The following ZNF138 variants were observed in gnomAD, a reference collection of about 807,000 sequenced individuals.
ZNF138 encodes zinc finger protein 138 (clone pHZ-32).
Under a neutral mutation model 33.0 loss-of-function variants are expected in ZNF138, and 33 were observed. The observed-to-expected ratio is 1.00, with a 90% confidence interval of 0.76 to 1.34. ZNF138 has a LOEUF of 1.34. Ranked by LOEUF, ZNF138 falls within the 40% of genes most tolerant of loss-of-function variation. The pLI is 0.00. For synonymous variants in ZNF138, 139 were observed against 120.4 expected, an observed-to-expected ratio of 1.15 and a Z score of -1.01; for missense variants, 360 against 370.8, an observed-to-expected ratio of 0.97 and a Z score of 0.24.
chr7:64,832,196 A>G lies in ZNF138; in HGVS notation c.954A>G (p.Leu318=). 6.2e-7 allele frequency: 1 copy of G among 1,605,198 alleles called. No individual in the cohort carries two copies. Among genetic ancestry groups the G allele is most frequent in the Non-Finnish European group, 8.5e-7 (1 of 1,177,412 alleles). Residue 318 remains leucine, a synonymous_variant, in exon 4 of 4, where the codon CTA becomes CTG. Transcript: ENST00000307355. The part of the protein sequence containing the change: ...KCEECGKAFN[L]S ...AGGAATGTGGCAAAGCTTTTAACCTATCTTAACAACTTACTGAACATAAGA... is the reference window on the plus strand; with the variant it reads ...AGGAATGTGGCAAAGCTTTTAACCTGTCTTAACAACTTACTGAACATAAGA...
chr7:64,800,638 A>G (rs1443506817), intron 1 of ZNF138, among the ~76,000 whole-genome samples: 2 of 152,204 alleles, frequency 1.3e-5, no homozygotes, highest in Non-Finnish European at 1.5e-5. Context: ...GGATATTTGC[A>G]TAAAGTTTTC....
intron 1 of ZNF138, among the ~76,000 whole-genome samples, chr7:64,804,771 ACT>A (rs1193566143): frequency 3.3e-5 from 5 of 151,968 alleles, no homozygotes; most frequent in Admixed American, 1.3e-4. Flanking sequence ...ACAGAGTGAG[ACT>A]CTGTCTCAAA....
chr7:64,800,727 A>G (rs1787073424), intron 1 of ZNF138, among the ~76,000 whole-genome samples: 1 of 152,034 alleles, frequency 6.6e-6, no homozygotes. Context: ...GTGTCTTCTC[A>G]ATTTTTTGGA....
At chr7:64,847,269 T>A in the ZNF138 span, among the ~76,000 whole-genome samples, 1 of 150,414 alleles carries the variant, frequency 6.6e-6, no homozygotes, top group Non-Finnish European at 1.5e-5. Context: ...GGTTAGGAGT[T>A]TGAGATCAGC....
chr7:64,821,780 C>T (rs1193316384), intron 3 of ZNF138, among the ~76,000 whole-genome samples: 2 of 151,190 alleles, frequency 1.3e-5, no homozygotes, highest in African/African-American at 2.5e-5. Flanking sequence ...CTACTGACCT[C>T]GTGATCCTCC....
intron 3 of ZNF138, among the ~76,000 whole-genome samples, chr7:64,821,273 T>C (rs1321211571): frequency 6.6e-6 from 1 of 150,894 alleles, no homozygotes; most frequent in African/African-American, 2.5e-5. Context: ...GTATTTTTAA[T>C]AGAGACGGAG....
chr7:64,824,042 T>C (rs559229249), intron 3 of ZNF138, among the ~76,000 whole-genome samples: 6 of 152,328 alleles, frequency 3.9e-5, no homozygotes, highest in African/African-American at 1.4e-4. Flanking sequence ...GACTGGAAAG[T>C]TTGCACATAA....
the ZNF138 span, among the ~76,000 whole-genome samples, chr7:64,855,389 T>C: frequency 8.1e-4 from 123 of 152,300 alleles, no homozygotes; most frequent in Admixed American, 2.5e-3. Flanking sequence ...GTCAACAAAA[T>C]TTCATAATAC....
In ZNF138 at chr7:64,816,657, G is replaced by A. The variant is rs138936943; in HGVS notation, c.208+1004G>A. Among the ~76,000 whole-genome samples the A allele has an allele frequency of 2.1e-4, 32 of 151,970 alleles. No homozygotes were observed. In the East Asian group the frequency reaches 5.6e-3, roughly 27 times the overall value. ...AGCAACGTTTTACTTGTCTTCAATGGCATTTTTTTTTCATATTTTAAACTA... is the reference window on the plus strand; with the variant it reads ...AGCAACGTTTTACTTGTCTTCAATGACATTTTTTTTTCATATTTTAAACTA... On this transcript the variant is annotated intron_variant, in intron 3 of 3. Coordinates refer to ENST00000307355, the MANE Select transcript of ZNF138 (RefSeq NM_001271639.2).
chr7:64,814,463 TTC>T (rs1458457531), intron 1 of ZNF138, among the ~76,000 whole-genome samples: 20 of 152,198 alleles, frequency 1.3e-4, no homozygotes, highest in African/African-American at 4.6e-4. Context: ...TAGAAAATAT[TTC>T]TGTTAAAAAT....
At chr7:64,857,659 TAA>T in the ZNF138 span, among the ~76,000 whole-genome samples, 1 of 480 alleles carries the variant, frequency 2.1e-3, no homozygotes, top group African/African-American at 2.2e-3. Context: ...AAAATAAATT[TAA>T]AAAAAAAAAA....
chr7:64,846,303 A>G, the ZNF138 span, among the ~76,000 whole-genome samples: 2 of 152,280 alleles, frequency 1.3e-5, no homozygotes, highest in Admixed American at 1.3e-4. Flanking sequence ...GTGAAGAATA[A>G]TGATAGTATT....
intron 3 of ZNF138, chr7:64,830,864 G>A (rs1790024739): frequency 2.8e-6 from 4 of 1,431,770 alleles, no homozygotes; most frequent in Non-Finnish European, 3.7e-6. Flanking sequence ...AATTTTTTAG[G>A]GTTTTTTTAG....
rs752806675 is a variant in ZNF138 at position 64,832,057 on chromosome 7, T to A, written c.815T>A (p.Ile272Asn). 1 of 1,613,976 alleles carries A rather than the reference T, an allele frequency of 6.2e-7. No individual in the cohort carries two copies. The highest frequency in any genetic ancestry group is 2.2e-5 in the East Asian group (1 of 44,860). Reference protein sequence around the residue: ...QSSHLTRHKIIHTEEKPYKCE... With the variant: ...QSSHLTRHKINHTEEKPYKCE... The stretch of plus-strand genomic sequence containing the variant: ...TCACACCTTACTAGACATAAGATAA[T>A]TCATACTGAAGAGAAACCCTACAAA... Residue 272 changes from isoleucine (I) to asparagine (N), a missense_variant, in exon 4 of 4, where the codon ATT becomes AAT. Physicochemically the swap from Ile to Asn is moderately radical, Grantham distance 149. Transcript: ENST00000307355.
At chr7:64,805,502 G>A (rs1456568456) in intron 1 of ZNF138, among the ~76,000 whole-genome samples, 1 of 152,192 alleles carries the variant, frequency 6.6e-6, no homozygotes, top group Non-Finnish European at 1.5e-5. Flanking sequence ...TCCTCCTGCA[G>A]TTCAGGCCTC....
At chr7:64,852,198 G>T in the ZNF138 span, among the ~76,000 whole-genome samples, 1 of 152,144 alleles carries the variant, frequency 6.6e-6, no homozygotes, top group African/African-American at 2.4e-5. Flanking sequence ...TCAAGATTAG[G>T]TGCATCTTCA....
intron 1 of ZNF138, among the ~76,000 whole-genome samples, chr7:64,808,746 G>T (rs1224838766): frequency 7.3e-6 from 1 of 137,374 alleles, no homozygotes; most frequent in Non-Finnish European, 1.6e-5. Flanking sequence ...GCGGCCTTCC[G>T]CAGTGTTTGT....
intron 3 of ZNF138, chr7:64,830,956 T>C (rs546721822): frequency 1.9e-6 from 3 of 1,551,492 alleles, no homozygotes; most frequent in Admixed American, 3.9e-5. Context: ...CATTTACCTT[T>C]GATCTCAGTG....
chr7:64,859,642 G>T, the ZNF138 span, among the ~76,000 whole-genome samples: 6 of 152,184 alleles, frequency 3.9e-5, no homozygotes, highest in Non-Finnish European at 8.8e-5. Context: ...ATGTAGTAAA[G>T]TTGATTCTGT....
Sources: allele counts gnomAD v4.1 joint callset (sites outside exome capture counted in the v4.1 genomes callset), GRCh38; gene constraint gnomAD v4.1.1; transcripts MANE v1.5; gene names NCBI Gene and HGNC (gene_info 2026-07-23, HGNC 2026-07-21).